The following CAMK2G variants were observed in gnomAD, a reference collection of about 807,000 sequenced individuals.
CAMK2G encodes the protein calcium/calmodulin-dependent protein kinase type II subunit gamma.
In CAMK2G, 23 loss-of-function variants were observed where a neutral mutation model predicts 88.7. That is an observed-to-expected ratio of 0.26 (90% confidence interval 0.19 to 0.37). The LOEUF is 0.37. Ranked by LOEUF, CAMK2G falls within the 10% of genes least tolerant of loss-of-function variation. The probability of loss-of-function intolerance (pLI) is 1.00; values close to 1 mark genes in which losing one functional copy is unlikely to be tolerated. For synonymous variants in CAMK2G, 263 were observed against 294.8 expected, an observed-to-expected ratio of 0.89 and a Z score of 1.11; for missense variants, 476 against 780.8, an observed-to-expected ratio of 0.61 and a Z score of 4.65.
intron 2 of CAMK2G, among the ~76,000 whole-genome samples, chr10:73,863,739 G>A (rs2095476918): frequency 6.6e-6 from 1 of 152,224 alleles, no homozygotes; most frequent in South Asian, 2.1e-4. Flanking sequence ...CTTTACCAGT[G>A]ACTTTGAGTG....
intron 1 of CAMK2G, chr10:73,873,508 A>T (rs2095920128): frequency 9.9e-7 from 1 of 1,014,780 alleles, no homozygotes; most frequent in Non-Finnish European, 1.2e-6. Context: ...AAAGATTAAA[A>T]AGAGGGTATC....
intron 2 of CAMK2G, among the ~76,000 whole-genome samples, chr10:73,867,500 C>T (rs1407598240): frequency 6.6e-6 from 1 of 152,134 alleles, no homozygotes; most frequent in East Asian, 1.9e-4. Context: ...CAGGAAGCAG[C>T]CCCTAAAAAT....
At chr10:73,821,776 A>G in intron 17 of CAMK2G, 46 bp from the exon 18 acceptor site, 1 of 1,480,356 alleles carries the variant, frequency 6.8e-7, no homozygotes, top group Non-Finnish European at 9.4e-7. Flanking sequence ...ATCCCTTGGA[A>G]GCCAGAGGAG....
At chr10:73,857,479 A>G (rs1029507771) in intron 3 of CAMK2G, among the ~76,000 whole-genome samples, 6 of 152,222 alleles carry the variant, frequency 3.9e-5, no homozygotes, top group African/African-American at 1.4e-4. Context: ...TTCTCCAAGT[A>G]TTGACAGGCA....
intron 3 of CAMK2G, among the ~76,000 whole-genome samples, chr10:73,860,266 G>A (rs1455390104): frequency 6.6e-6 from 1 of 152,232 alleles, no homozygotes; most frequent in Non-Finnish European, 1.5e-5. Flanking sequence ...CAGGGTGGGA[G>A]CAGGGAGAAA....
chr10:73,824,884 G>GT (rs920382361), intron 16 of CAMK2G, among the ~76,000 whole-genome samples: 30 of 152,306 alleles, frequency 2.0e-4, no homozygotes, highest in African/African-American at 7.0e-4. Context: ...GCTGAGGCAG[G>GT]TTTTACAAGG....
At chr10:73,852,507 T>C (rs1358076608) in intron 4 of CAMK2G, 188 bp from the exon 5 acceptor site, 6 of 585,906 alleles carry the variant, frequency 1.0e-5, no homozygotes, top group African/African-American at 3.7e-5. Context: ...TGAGGTATCA[T>C]GGGCCGTCCC....
At position 73,824,057 on chromosome 10, in the gene CAMK2G, C is replaced by T. The variant is rs775379645; in HGVS notation, c.1183G>A (p.Ala395Thr). The T allele has an allele frequency of 4.3e-6, 7 of 1,613,290 alleles. No individual in the cohort carries two copies. Among genetic ancestry groups the T allele is most frequent in the African/African-American group, 4.0e-5 (3 of 74,902 alleles). ...CCACTCACCTTGATCCCATCTGTAG[C>T]GTTGTGTACCACAGTGGTTTGTGGC... is the stretch of plus-strand genomic sequence containing the variant. Reference protein sequence around the residue: ...MEPQTTVVHNATDGIKGSTES... With the variant: ...MEPQTTVVHNTTDGIKGSTES... The change falls in exon 17 of 23, where the codon GCT (alanine) becomes ACT (threonine). Residue 395 changes from alanine to threonine, a missense_variant. Transcript: ENST00000423381.
chr10:73,856,854 T>C (rs537405332), intron 3 of CAMK2G, among the ~76,000 whole-genome samples: 3 of 152,388 alleles, frequency 2.0e-5, no homozygotes, highest in Non-Finnish European at 1.5e-5. Flanking sequence ...AGGACTGAGA[T>C]AGCCACAACC....
chr10:73,831,404 G>A (rs951899579), intron 14 of CAMK2G, among the ~76,000 whole-genome samples: 1 of 151,884 alleles, frequency 6.6e-6, no homozygotes, highest in African/African-American at 2.4e-5. Context: ...TGGGTGTGGT[G>A]GCACGCGCCT....
intron 5 of CAMK2G, among the ~76,000 whole-genome samples, chr10:73,850,931 C>T (rs961039647): frequency 2.6e-5 from 4 of 152,186 alleles, no homozygotes; most frequent in Non-Finnish European, 4.4e-5. Context: ...GGCAAAAGTG[C>T]GAAGTGTCCC....
rs1299270463 is a variant in CAMK2G at position 73,828,081 on chromosome 10, A to G, written c.1086+8T>C. On this transcript the variant is annotated splice_region_variant and intron_variant, in intron 15 of 22. Transcript: ENST00000423381. ...GGAGTGGGCGATGGGTGGGCAGGCAAGGCTCACCATTAGGTGCACGCTGGA... is the reference window on the plus strand; with the variant it reads ...GGAGTGGGCGATGGGTGGGCAGGCAGGGCTCACCATTAGGTGCACGCTGGA... 1.2e-5 allele frequency: 19 copies of G among 1,612,262 alleles called. No homozygotes were observed. The highest frequency in any genetic ancestry group is 1.5e-5 in the Non-Finnish European group (18 of 1,178,402).
chr10:73,819,201 C>A (rs1483372094), intron 19 of CAMK2G, among the ~76,000 whole-genome samples: 1 of 152,180 alleles, frequency 6.6e-6, no homozygotes, highest in Non-Finnish European at 1.5e-5. Flanking sequence ...CCCACTCCCA[C>A]CCCCACAGAC....
In CAMK2G at chr10:73,874,475, C is replaced by CGGGA. The variant is rs2096010360; in HGVS notation, c.-15_-14insTCCC. 2 of 1,477,676 alleles carry CGGGA rather than the reference C, an allele frequency of 1.4e-6. No individual in the cohort carries two copies. Among genetic ancestry groups the CGGGA allele is most frequent in the Admixed American group, 4.0e-5 (2 of 50,048 alleles). The allele number at this position is 1,477,676 out of a possible 1,614,324, so 91.5% of individuals were successfully genotyped here. On this transcript the variant is annotated 5_prime_UTR_variant, in exon 1 of 23. Coordinates refer to ENST00000423381, the MANE Select transcript of CAMK2G (RefSeq NM_001367534.1). ...GGTGGTGGCCATGCTGGCGGGCGGG[C>CGGGA]GGACGCGGCGGTGCAGCCCGCGCCG...
chr10:73,821,811 C>T, intron 17 of CAMK2G, 81 bp from the exon 18 acceptor site: 4 of 1,155,962 alleles, frequency 3.5e-6, no homozygotes, highest in Non-Finnish European at 5.1e-6. Context: ...AGCAGAGTTT[C>T]TGCTCCTACA....
intron 2 of CAMK2G, among the ~76,000 whole-genome samples, chr10:73,861,843 C>G (rs1161810640): frequency 1.3e-5 from 2 of 152,076 alleles, no homozygotes; most frequent in Non-Finnish European, 2.9e-5. Flanking sequence ...ATAATAATAG[C>G]TAACATTTAT....
At chr10:73,826,965 G>A (rs181854484) in intron 15 of CAMK2G, among the ~76,000 whole-genome samples, 7 of 152,308 alleles carry the variant, frequency 4.6e-5, no homozygotes, top group Non-Finnish European at 1.0e-4. Context: ...GGAGTAGTGA[G>A]ACGGTGGGTC....
At chr10:73,861,064 T>G (rs907658436) in intron 2 of CAMK2G, among the ~76,000 whole-genome samples, 175 bp from the exon 3 acceptor site, 3 of 152,184 alleles carry the variant, frequency 2.0e-5, no homozygotes, top group African/African-American at 7.2e-5. Flanking sequence ...CATTTTAGGG[T>G]CTCACTTTGT....
In CAMK2G at chr10:73,853,187, C is replaced by T; in HGVS notation, c.275+5G>A. Reference sequence around the variant, plus strand: ...GCCCCCACACCCTCAGAAAGTGGCACTTACAGGTCAAACACGAGGTAGTGA... The same window carrying T: ...GCCCCCACACCCTCAGAAAGTGGCATTTACAGGTCAAACACGAGGTAGTGA... On this transcript the variant is annotated splice_donor_5th_base_variant and intron_variant, in intron 4 of 22. Transcript: ENST00000423381. The T allele has an allele frequency of 1.2e-6, 2 of 1,613,900 alleles. No individual in the cohort carries two copies. The highest frequency in any genetic ancestry group is 8.5e-7 in the Non-Finnish European group (1 of 1,179,716).
Sources: gnomAD v4.1 joint callset for allele counts (sites outside exome capture counted in the v4.1 genomes callset) on GRCh38, gnomAD v4.1.1 for gene constraint, MANE v1.5 for transcripts, NCBI Gene and HGNC (gene_info 2026-07-23, HGNC 2026-07-21) for gene names.